Variants in REXO1 observed in about 807,000 individuals in gnomAD.
REXO1 encodes REX1, RNA exonuclease 1 homolog.
A neutral mutation model predicts 102.6 loss-of-function variants in REXO1; 42 were observed. That is an observed-to-expected ratio of 0.41 (90% CI 0.32 to 0.53). The LOEUF (loss-of-function observed/expected upper bound fraction) is 0.53, where lower values mean the gene tolerates loss of function less well. Among genes scored for constraint, REXO1 ranks in the 20% least tolerant of loss-of-function variants. REXO1 has a pLI of 0.27. For missense variants in REXO1, 1,819 were observed against 1,732.5 expected, an observed-to-expected ratio of 1.05 and a Z score of -0.89; for synonymous variants, 908 against 779.1, an observed-to-expected ratio of 1.17 and a Z score of -2.76.
Position 1,823,574 on chromosome 19 carries a change from G to A in REXO1, c.2228C>T (p.Ala743Val). The stretch of plus-strand genomic sequence containing the variant: ...AGGCCCCCTGGGCCAGGACTCACCT[G>A]CAGCCAGGCGGGGGTTGGGGATGTG... The part of the protein sequence containing the change: ...IAHIPNPRLA[A>V]APTGAKRTLA... The change falls in exon 4 of 16, where the codon GCA becomes GTA. Residue 743 changes from alanine (A) to valine (V), a missense_variant and splice_region_variant. Transcript: ENST00000170168. 7.6e-7 allele frequency: 1 copy of A among 1,307,652 alleles called. No individual in the cohort carries two copies. Among genetic ancestry groups the A allele is most frequent in the South Asian group, 2.5e-5 (1 of 40,536 alleles). The allele number at this position is 1,307,652 out of a possible 1,614,324, so 81.0% of individuals were successfully genotyped here.
rs1360523258 is a variant in REXO1, at chr19:1,828,269, C to T, written c.520G>A (p.Ala174Thr). 6 of 1,605,826 alleles carry T rather than the reference C, an allele frequency of 3.7e-6. No homozygotes were observed. The Admixed American group carries it at 8.4e-5, about 23-fold the overall frequency. The change falls in exon 2 of 16, where the codon GCC becomes ACC. Residue 174 changes from alanine to threonine, a missense_variant. Coordinates refer to ENST00000170168, the MANE Select transcript of REXO1 (RefSeq NM_020695.4). ...AGCGAGTACTTGCTGCCCGGCTCGGCAGGGGCGGCCAGTGGGGTGGGCTGG... is the reference window on the plus strand; with the variant it reads ...AGCGAGTACTTGCTGCCCGGCTCGGTAGGGGCGGCCAGTGGGGTGGGCTGG... The part of the protein sequence containing the change: ...GYQPTPLAAP[A>T]EPGSKYSLAS...
At chr19:1,816,590 G>A (rs1568677834) in intron 13 of REXO1, 21 bp from the exon 14 acceptor site, 2 of 1,528,192 alleles carry the variant, frequency 1.3e-6, no homozygotes, top group Non-Finnish European at 1.8e-6. Context: ...GGGCAGGAGG[G>A]GCACCAGGGC....
intron 11 of REXO1, 145 bp downstream of exon 11, chr19:1,817,562 C>T (rs951054029): frequency 6.2e-6 from 9 of 1,445,982 alleles, no homozygotes; most frequent in South Asian, 1.4e-5. Flanking sequence ...ACGGGTGCTA[C>T]GTTCTCTGGG....
At chr19:1,835,633 C>G (rs528182495) in intron 1 of REXO1, among the ~76,000 whole-genome samples, 4 of 152,336 alleles carry the variant, frequency 2.6e-5, no homozygotes, top group Non-Finnish European at 5.9e-5. Context: ...CCCCGTCCCA[C>G]GGCTGGGAAT....
rs2069748372 is a variant in REXO1 at position 1,827,026 on chromosome 19, G to A, written c.1763C>T (p.Ser588Phe). 7 of 1,461,074 alleles carry A rather than the reference G, an allele frequency of 4.8e-6. No homozygotes were observed. The highest frequency in any genetic ancestry group is 5.6e-6 in the Non-Finnish European group (6 of 1,074,440). 90.5% of individuals were successfully genotyped at this position (1,461,074 alleles called of 1,614,324 possible). The change falls in exon 2 of 16, where the codon TCC (serine) becomes TTC (phenylalanine). Residue 588 changes from serine to phenylalanine, a missense_variant. Transcript: ENST00000170168. ...ATCCGCCCCCGCGCTGGAGGTGGAG[G>A]AGGAGGAGGAGGAGGAGGAGGATGG... ...PAPSSSSSSSSSTSSAGADVD... is the reference protein window; with the variant it reads ...PAPSSSSSSSFSTSSAGADVD...
At position 1,818,665 on chromosome 19, in the gene REXO1, CCGCACCTGCCCACCTAGGCCGT is replaced by C. The variant is rs1174993562; in HGVS notation, c.2902+19_2902+40del. 1 of 1,609,034 alleles carries C rather than the reference CCGCACCTGCCCACCTAGGCCGT, an allele frequency of 6.2e-7. No individual in the cohort carries two copies. The highest frequency in any genetic ancestry group is 1.3e-5 in the African/African-American group (1 of 74,860). On this transcript the variant is annotated intron_variant, in intron 9 of 15. Transcript: ENST00000170168. ...CCGCATGCCCGGCCTTGCCCACATC[CCGCACCTGCCCACCTAGGCCGT>C]CGCAGGCCAGCGACTCACAGTCCTT...
At chr19:1,821,975 A>G (rs2069558202) in intron 4 of REXO1, 1 of 539,674 alleles carries the variant, frequency 1.9e-6, no homozygotes, top group Non-Finnish European at 3.2e-6. Context: ...CAAGGCGTCG[A>G]TGTCTGAGGG....
Position 1,817,789 on chromosome 19 carries a change from GAC to G in REXO1, c.3017-11_3017-10del, listed in dbSNP as rs2145232387. On this transcript the variant is annotated splice_polypyrimidine_tract_variant and intron_variant, in intron 10 of 15. Coordinates refer to ENST00000170168, the MANE Select transcript of REXO1 (RefSeq NM_020695.4). ...CTCCCAGCCTCCGGCCACTGCAGGG[GAC>G]ACAGACACACAGTCAGGGCCCGGCC... is the stretch of plus-strand genomic sequence containing the variant. 6.2e-7 allele frequency: 1 copy of G among 1,610,226 alleles called. No homozygotes were observed. The highest frequency in any genetic ancestry group is 2.2e-5 in the East Asian group (1 of 44,834).
Position 1,816,322 on chromosome 19 carries a change from G to T in REXO1, c.3480C>A (p.Asp1160Glu), listed in dbSNP as rs577693459. 2 of 1,590,170 alleles carry T rather than the reference G, an allele frequency of 1.3e-6. No homozygotes were observed. Among genetic ancestry groups the T allele is most frequent in the South Asian group, 1.1e-5 (1 of 88,428 alleles). The part of the protein sequence containing the change: ...ALKVIHSTVV[D>E]TSVLFPHRLG... ...GGCGGTGGGGGAAGAGCACAGACGT[G>T]TCCACCACGGTGCTGTGGATGACCT... The change falls in exon 15 of 16, where the codon GAC becomes GAA. Residue 1160 changes from aspartate (D) to glutamate (E), a missense_variant. Transcript: ENST00000170168.
intron 1 of REXO1, chr19:1,834,943 G>A (rs1003239265): frequency 9.2e-6 from 4 of 436,102 alleles, no homozygotes; most frequent in African/African-American, 8.2e-5. Context: ...CCACCCTGCA[G>A]CCTGTGACCC....
At position 1,827,518 on chromosome 19, in the gene REXO1, C is replaced by A. The variant is rs371331432; in HGVS notation, c.1271G>T (p.Arg424Leu). Residue 424 changes from arginine to leucine, a missense_variant, in exon 2 of 16, where the codon CGG (arginine) becomes CTG (leucine). Transcript: ENST00000170168. ...CCCTTCCGGCCGCTCTGCCTTGCGC[C>A]GGGGGCTGCTGGCCTGCGGGCCCTT... ...DKKGPQASSP[R>L]RKAERPEGTK... is the part of the protein sequence containing the mutation. 3 of 1,583,012 alleles carry A rather than the reference C, an allele frequency of 1.9e-6. No individual in the cohort carries two copies. The highest frequency in any genetic ancestry group is 2.3e-5 in the South Asian group (2 of 86,868).
In REXO1 at chr19:1,827,081, G is replaced by A. The variant is rs2069751618; in HGVS notation, c.1708C>T (p.Leu570Phe). ...FPEAQGPPKR[L>F]KASPPPSPAP... is the part of the protein sequence containing the mutation. Reference sequence around the variant, plus strand: ...GGGGAGGGGGGCGGGGAGGCCTTGAGCCGCTTGGGCGGCCCCTGCGCCTCC... The same window carrying A: ...GGGGAGGGGGGCGGGGAGGCCTTGAACCGCTTGGGCGGCCCCTGCGCCTCC... The change falls in exon 2 of 16, where the codon CTC becomes TTC. Residue 570 changes from leucine (L) to phenylalanine (F), a missense_variant. Physicochemically the swap from Leu to Phe is conservative, Grantham distance 22. Transcript: ENST00000170168. 1 of 1,541,398 alleles carries A rather than the reference G, an allele frequency of 6.5e-7. No individual in the cohort carries two copies. Among genetic ancestry groups the A allele is most frequent in the East Asian group, 2.4e-5 (1 of 40,852 alleles).
Position 1,818,512 on chromosome 19 carries a change from A to C in REXO1, c.2986T>G (p.Tyr996Asp). 6.2e-7 allele frequency: 1 copy of C among 1,611,032 alleles called. No homozygotes were observed. The highest frequency in any genetic ancestry group is 1.3e-5 in the African/African-American group (1 of 75,004). ...GRCIRDEECY[Y>D]HWGRLRRNRV... ...TTCCGGCGCAGCCGTCCCCAGTGGT[A>C]ATAACACTCCTCGTCCCGGATGCAG... The change falls in exon 10 of 16, where the codon TAC (tyrosine) becomes GAC (aspartate). Residue 996 changes from tyrosine (Y) to aspartate (D), a missense_variant. Transcript: ENST00000170168.
At chr19:1,830,226 C>T (rs138995128) in intron 1 of REXO1, among the ~76,000 whole-genome samples, 4 of 152,298 alleles carry the variant, frequency 2.6e-5, no homozygotes, top group South Asian at 2.1e-4. Context: ...CTACTGAGCA[C>T]GGCCAGGCAC....
chr19:1,822,089 G>C (rs2069562251), intron 4 of REXO1: 1 of 434,448 alleles, frequency 2.3e-6, no homozygotes, highest in Non-Finnish European at 4.0e-6. Flanking sequence ...CTTGCCCTTT[G>C]ATGAAGTCAC....
Position 1,818,718 on chromosome 19 carries a change from T to C in REXO1, c.2890A>G (p.Arg964Gly), listed in dbSNP as rs775304588. Residue 964 changes from arginine (R) to glycine (G), a missense_variant, in exon 9 of 16, where the codon AGG becomes GGG. By Grantham distance (125) the Arg-to-Gly change is moderately radical (BLOSUM62 -2). Transcript: ENST00000170168. ...GCCAGCGACTCACAGTCCTTGGGCC[T>C]CTTCTCCTCAGCTGTGAAGATGATT... The part of the protein sequence containing the change: ...GAIIFTAEEK[R>G]PKDSSCRTCC... 4.3e-6 allele frequency: 7 copies of C among 1,611,108 alleles called. No homozygotes were observed. In the Admixed American group the frequency reaches 6.7e-5, roughly 15 times the overall value.
Position 1,826,866 on chromosome 19 carries a change from C to T in REXO1, c.1911+12G>A, listed in dbSNP as rs374641665. The T allele has an allele frequency of 1.8e-4, 280 of 1,565,120 alleles. 1 individual carries two copies. In the African/African-American group the frequency reaches 3.1e-3, roughly 17 times the overall value. Reference sequence around the variant, plus strand: ...TCTGCCCGAGCCCAGCCCCAGCACCCGCGCGCCTCACCTGCCGGGCCAGCC... The same window carrying T: ...TCTGCCCGAGCCCAGCCCCAGCACCTGCGCGCCTCACCTGCCGGGCCAGCC... On this transcript the variant is annotated intron_variant, in intron 2 of 15. Coordinates refer to ENST00000170168, the MANE Select transcript of REXO1 (RefSeq NM_020695.4). The surrounding 1 kb of genome is among the most constrained non-coding windows in gnomAD (Gnocchi z 4.3).
Position 1,827,235 on chromosome 19 carries a change from G to A in REXO1, c.1554C>T (p.His518=), listed in dbSNP as rs552179043. The A allele has an allele frequency of 5.4e-5, 84 of 1,550,102 alleles. 1 individual carries two copies. The South Asian group carries it at 6.7e-4, about 12-fold the overall frequency. ...CACTCTCGTCCCCAAAGAGGTCGGC[G>A]TGGCTCAGGGCCCGCTTCTTCAGCT... ...APKLKKRALS[H]ADLFGDESED... is the part of the protein sequence containing the mutation. Residue 518 remains histidine, a synonymous_variant, in exon 2 of 16, where the codon CAC becomes CAT. Transcript: ENST00000170168.
intron 1 of REXO1, among the ~76,000 whole-genome samples, chr19:1,836,738 T>TCC (rs2070049534): frequency 1.1e-5 from 1 of 90,028 alleles, no homozygotes; most frequent in Non-Finnish European, 2.3e-5. Flanking sequence ...AGAGCAAGAC[T>TCC]GTCTCAAAAA....
Sources: gnomAD v4.1 joint callset for allele counts (sites outside exome capture counted in the v4.1 genomes callset) on GRCh38, gnomAD v4.1.1 for gene constraint, Gnocchi (gnomAD v3.1) non-coding constraint, MANE v1.5 for transcripts, NCBI Gene and HGNC (gene_info 2026-07-23, HGNC 2026-07-21) for gene names.